The following CRAT variants were observed in gnomAD, a reference collection of about 807,000 sequenced individuals.
CRAT encodes the protein carnitine O-acetyltransferase.
Under a neutral mutation model 73.7 loss-of-function variants are expected in CRAT, and 66 were observed. That is an observed-to-expected ratio of 0.90 (90% CI 0.73 to 1.10). The LOEUF (loss-of-function observed/expected upper bound fraction) is 1.10, where lower values mean the gene tolerates loss of function less well. Among genes scored for constraint, CRAT ranks in the 50% least tolerant of loss-of-function variants. The pLI is 0.00. For missense variants in CRAT, 745 were observed against 846.9 expected (o/e 0.88, Z 1.49); for synonymous variants, 321 against 343.2 (o/e 0.94, Z 0.71).
At position 129,104,241 on chromosome 9, in the gene CRAT, G is replaced by T; in HGVS notation, c.357C>A (p.Ser119Arg). 1 of 1,613,406 alleles carries T rather than the reference G, an allele frequency of 6.2e-7. No individual in the cohort carries two copies. The highest frequency in any genetic ancestry group is 8.5e-7 in the Non-Finnish European group (1 of 1,179,716). ...CCTGCTTGGGTAGCATCACGCCTGG[G>T]CTCGAGTAGATGACCACAGGCTGGC... ...QYRQPVVIYS[S>R]PGVMLPKQDF... is the part of the protein sequence containing the mutation. The change falls in exon 3 of 14, where the codon AGC (serine) becomes AGA (arginine). Residue 119 changes from serine to arginine, a missense_variant. Transcript: ENST00000318080.
At chr9:129,100,474 G>GGT (rs1191936773) in intron 7 of CRAT, 37 bp downstream of exon 7, 9 of 1,592,864 alleles carry the variant, frequency 5.7e-6, no homozygotes, top group East Asian at 2.2e-5. Flanking sequence ...GTCCTGTTCA[G>GGT]GTGTGTGTGA....
intron 1 of CRAT, 27 bp from the exon 2 acceptor site, chr9:129,108,104 T>C: frequency 1.3e-6 from 2 of 1,500,510 alleles, no homozygotes; most frequent in African/African-American, 1.4e-5. Flanking sequence ...ATCCTGTTCA[T>C]TCCCTCCCCG....
intron 8 of CRAT, among the ~76,000 whole-genome samples, chr9:129,099,412 C>CCG (rs1847513279): frequency 6.9e-6 from 1 of 144,300 alleles, no homozygotes; most frequent in Admixed American, 7.2e-5. Flanking sequence ...GCATGAGCCA[C>CCG]TGCACCTGGC....
chr9:129,096,076 C>G lies in CRAT; in HGVS notation c.1587G>C (p.Glu529Asp). The G allele has an allele frequency of 6.2e-7, 1 of 1,614,010 alleles. No homozygotes were observed. The highest frequency in any genetic ancestry group is 8.5e-7 in the Non-Finnish European group (1 of 1,180,046). ...HLLGLKLQAI[E>D]DLVSMPDIFM... ...AGATGTCGGGCATGCTCACCAGGTC[C>G]TCGATGGCCTGCAGCTTCAGGCCCA... The change falls in exon 13 of 14, where the codon GAG becomes GAC. Residue 529 changes from glutamate (E) to aspartate (D), a missense_variant. Transcript: ENST00000318080.
chr9:129,104,782 T>A (rs947765103), intron 2 of CRAT, among the ~76,000 whole-genome samples: 21 of 151,026 alleles, frequency 1.4e-4, no homozygotes, highest in Non-Finnish European at 1.9e-4. Context: ...TTTTTTGTAT[T>A]TTTAGTAGAG....
chr9:129,102,980 G>C lies in CRAT; in HGVS notation c.464+33C>G, dbSNP rs71499446. 1,420 of 1,595,384 alleles carry C rather than the reference G, an allele frequency of 8.9e-4. 1 individual carries two copies. The highest frequency in any genetic ancestry group is 1.2e-3 in the Non-Finnish European group (1,352 of 1,163,160). Reference sequence around the variant, plus strand: ...TGTGGTAATTAAGCAGGCCTGGGCAGGTGTGGGGCTGGGCAGGGGTGGGGA... The same window carrying C: ...TGTGGTAATTAAGCAGGCCTGGGCACGTGTGGGGCTGGGCAGGGGTGGGGA... On this transcript the variant is annotated intron_variant, in intron 4 of 13. Transcript: ENST00000318080.
chr9:129,104,283 G>C lies in CRAT; in HGVS notation c.315C>G (p.Thr105=). The C allele has an allele frequency of 6.2e-7, 1 of 1,613,300 alleles. No homozygotes were observed. The highest frequency in any genetic ancestry group is 8.5e-7 in the Non-Finnish European group (1 of 1,179,738). The change falls in exon 3 of 14, where the codon ACC becomes ACG. Residue 105 remains threonine, a synonymous_variant. Transcript: ENST00000318080. ...ENWLSEWWLK[T]AYLQYRQPVV... ...CAGGCTGGCGGTACTGGAGGTAGGC[G>C]GTCTTGAGCCACCACTCAGACAGCT...
rs979612060 is a variant in CRAT at position 129,103,663 on chromosome 9, C to T, written c.410+525G>A. The stretch of plus-strand genomic sequence containing the variant: ...GGCTGGAGTTCCTGGGCCTGAACCC[C>T]GGCCCTTCCCAGGGTACCCTGGTCC... On this transcript the variant is annotated intron_variant, in intron 3 of 13. Transcript: ENST00000318080. The surrounding 1 kb of genome is among the most constrained non-coding windows in gnomAD (Gnocchi z 4.6). Among the ~76,000 whole-genome samples, 2 of 152,156 alleles carry T rather than the reference C, an allele frequency of 1.3e-5. No homozygotes were observed. The highest frequency in any genetic ancestry group is 2.4e-5 in the African/African-American group (1 of 41,436).
rs542095628 is a variant in CRAT at position 129,096,826 on chromosome 9, T to C, written c.1527+424A>G. ...GCTCACGCCTATAATCCCAGCACTTTGGGAGCCTGAGGTGGGTGGATCACC... is the reference window on the plus strand; with the variant it reads ...GCTCACGCCTATAATCCCAGCACTTCGGGAGCCTGAGGTGGGTGGATCACC... On this transcript the variant is annotated intron_variant, in intron 12 of 13. Transcript: ENST00000318080. Among the ~76,000 whole-genome samples the C allele has an allele frequency of 3.5e-3, 535 of 152,284 alleles. 6 individuals carry two copies. The highest frequency in any genetic ancestry group is 0.013 in the Admixed American group (206 of 15,292).
At position 129,106,665 on chromosome 9, in the gene CRAT, C is replaced by T. The variant is rs1254419914; in HGVS notation, c.291+1149G>A. 1.3e-5 allele frequency among the ~76,000 whole-genome samples: 2 copies of T among 152,248 alleles called. No homozygotes were observed. Among genetic ancestry groups the T allele is most frequent in the South Asian group, 2.1e-4 (1 of 4,828 alleles). On this transcript the variant is annotated intron_variant, in intron 2 of 13. Coordinates refer to ENST00000318080, the MANE Select transcript of CRAT (RefSeq NM_000755.5). This position sits in a 1 kb window ranked among gnomAD's most constrained non-coding sequence, Gnocchi z 4.0. ...TGGAGTCCAAAGTCCTGACCTGACG[C>T]GTCTCAGCAAATGTTGACAACTCCC...
intron 5 of CRAT, 115 bp downstream of exon 5, chr9:129,102,285 C>T (rs1474550738): frequency 2.8e-6 from 4 of 1,451,818 alleles, no homozygotes; most frequent in Admixed American, 3.7e-5. Flanking sequence ...GCGCCCATTC[C>T]TGGGGCACGT....
At position 129,102,517 on chromosome 9, in the gene CRAT, G is replaced by A. The variant is rs1847745271; in HGVS notation, c.513C>T (p.Asn171=). The A allele has an allele frequency of 6.2e-7, 1 of 1,614,160 alleles. No homozygotes were observed. Among genetic ancestry groups the A allele is most frequent in the South Asian group, 1.1e-5 (1 of 91,088 alleles). ...AGGAGGACAAGATCTGATAGTACTG[G>A]TTCATGCACAGTGGCTTCCCCCCCA... The part of the protein sequence containing the change: ...EYLGGKPLCM[N]QYYQILSSCR... The change falls in exon 5 of 14, where the codon AAC becomes AAT. Residue 171 remains asparagine, a synonymous_variant. Transcript: ENST00000318080.
chr9:129,095,933 G>A lies in CRAT; in HGVS notation c.1665+65C>T, dbSNP rs995948666. 7 of 1,602,978 alleles carry A rather than the reference G, an allele frequency of 4.4e-6. No individual in the cohort carries two copies. In the African/African-American group the frequency reaches 8.0e-5, roughly 18 times the overall value. On this transcript the variant is annotated intron_variant, in intron 13 of 13. Coordinates refer to ENST00000318080, the MANE Select transcript of CRAT (RefSeq NM_000755.5). ...CAATGGGTCAGTGGGGCCTGTGTAG[G>A]CCACATCAAACTACCAGTGGGTTCT...
At position 129,107,512 on chromosome 9, in the gene CRAT, G is replaced by C. The variant is rs557604283; in HGVS notation, c.291+302C>G. 2 of 633,674 alleles carry C rather than the reference G, an allele frequency of 3.2e-6. No individual in the cohort carries two copies. The highest frequency in any genetic ancestry group is 2.2e-5 in the Admixed American group (1 of 44,578). 39.3% of individuals were successfully genotyped at this position (633,674 alleles called of 1,614,324 possible). A position where few individuals can be genotyped will look rare whatever the true frequency, so the allele number is the denominator to read the frequency against. ...TGAGGCTGTCCCACCAAGCACAAGG[G>C]CATCTTCTATCTGGTTGTACCTGCC... On this transcript the variant is annotated intron_variant, in intron 2 of 13. Transcript: ENST00000318080. This position sits in a 1 kb window ranked among gnomAD's most constrained non-coding sequence, Gnocchi z 5.0.
At chr9:129,098,218 C>T in intron 10 of CRAT, 31 bp downstream of exon 10, 1 of 1,613,168 alleles carries the variant, frequency 6.2e-7, no homozygotes, top group Non-Finnish European at 8.5e-7. Flanking sequence ...AGGTCTCCTC[C>T]CTCCTCCATG....
intron 6 of CRAT, 122 bp downstream of exon 6, chr9:129,101,761 C>T (rs1588450837): frequency 2.4e-6 from 3 of 1,251,306 alleles, no homozygotes; most frequent in Non-Finnish European, 3.3e-6. Flanking sequence ...AACTCTTAAC[C>T]TGTCTCTTCT....
At chr9:129,095,929 G>A (rs1847252490) in intron 13 of CRAT, 69 bp downstream of exon 13, 4 of 1,595,486 alleles carry the variant, frequency 2.5e-6, no homozygotes, top group Non-Finnish European at 3.4e-6. Context: ...TGGGGCCTGT[G>A]TAGGCCACAT....
At position 129,110,193 on chromosome 9, in the gene CRAT, A is replaced by G. The variant is rs1436118308; in HGVS notation, c.27+290T>C. On this transcript the variant is annotated intron_variant, in intron 1 of 13. Coordinates refer to ENST00000318080, the MANE Select transcript of CRAT (RefSeq NM_000755.5). This position sits in a 1 kb window ranked among gnomAD's most constrained non-coding sequence, Gnocchi z 5.3. The stretch of plus-strand genomic sequence containing the variant: ...TGGATGCTCCTGGTCTCTCTCCCCT[A>G]CCGGCCTGTCTCTGGGTCTAAGGGT... Among the ~76,000 whole-genome samples, 2 of 151,970 alleles carry G rather than the reference A, an allele frequency of 1.3e-5. No homozygotes were observed. The highest frequency in any genetic ancestry group is 1.3e-4 in the Admixed American group (2 of 15,268).
rs951865913 is a variant in CRAT at position 129,110,368 on chromosome 9, C to G, written c.27+115G>C. The G allele has an allele frequency of 8.9e-7, 1 of 1,119,168 alleles. No homozygotes were observed. Among genetic ancestry groups the G allele is most frequent in the Admixed American group, 3.2e-5 (1 of 31,056 alleles). 69.3% of individuals were successfully genotyped at this position (1,119,168 alleles called of 1,614,324 possible). On this transcript the variant is annotated intron_variant, in intron 1 of 13. Transcript: ENST00000318080. The surrounding 1 kb of genome is among the most constrained non-coding windows in gnomAD (Gnocchi z 5.3). ...GGACGCCCGCCTGACCCCACCCCAT[C>G]AGCTGGAGGCCGGGTCGAACAGCGG...
Sources: gnomAD v4.1 joint callset for allele counts (sites outside exome capture counted in the v4.1 genomes callset) on GRCh38, gnomAD v4.1.1 for gene constraint, Gnocchi (gnomAD v3.1) non-coding constraint, MANE v1.5 for transcripts, NCBI Gene and HGNC (gene_info 2026-07-23, HGNC 2026-07-21) for gene names.